The following SPATA6L variants were observed in gnomAD, a reference collection of about 807,000 sequenced individuals.
SPATA6L encodes spermatogenesis associated 6-like protein.
A neutral mutation model predicts 49.2 loss-of-function variants in SPATA6L; 68 were observed. The observed-to-expected ratio is 1.38, with a 90% CI of 1.14 to 1.69. The LOEUF is 1.69. Ranked by LOEUF, SPATA6L falls within the 40% of genes most tolerant of loss-of-function variation. The pLI is 0.00. For synonymous variants in SPATA6L, 198 were observed against 165.7 expected (o/e 1.19, Z -1.50); for missense variants, 668 against 464.3 (o/e 1.44, Z -4.03).
chr9:4,593,501 C>T (rs538925472), downstream of SPATA6L, among the ~76,000 whole-genome samples: 6 of 152,172 alleles, frequency 3.9e-5, no homozygotes, highest in African/African-American at 1.4e-4. Flanking sequence ...AGGATAAAAA[C>T]TGGAACCCTA....
At chr9:4,656,751 C>T (rs1190647405) in intron 2 of SPATA6L, among the ~76,000 whole-genome samples, 8 of 152,098 alleles carry the variant, frequency 5.3e-5, no homozygotes, top group African/African-American at 1.9e-4. Flanking sequence ...TGCTAAAAGC[C>T]CATCTTAAAT....
In SPATA6L at chr9:4,647,414, A is replaced by C. The variant is rs139590574; in HGVS notation, c.226+8627T>G. Among the ~76,000 whole-genome samples the C allele has an allele frequency of 9.0e-3, 1,366 of 152,222 alleles. 19 individuals carry two copies. Among genetic ancestry groups the C allele is most frequent in the African/African-American group, 0.031 (1,280 of 41,538 alleles). On this transcript the variant is annotated intron_variant, in intron 3 of 11. Coordinates refer to ENST00000682582, the MANE Select transcript of SPATA6L (RefSeq NM_001353486.2). ...CGAGACCAGCCTGGCCAACATAGTG[A>C]AACCCCGTGTCTACTAAAAATACAA...
chr9:4,655,596 T>C (rs760285760), intron 3 of SPATA6L, among the ~76,000 whole-genome samples: 5 of 152,058 alleles, frequency 3.3e-5, no homozygotes, highest in Non-Finnish European at 5.9e-5. Context: ...CCACCCAGTC[T>C]GGAGTGCAAT....
rs554218024 is a variant in SPATA6L, at chr9:4,615,250, C to T, written c.995+2673G>A. ...TCACAAAGTGCTGCTTTGTAGAAAG[C>T]TCTTTGCATACTTCTTTTTTATTAT... is the stretch of plus-strand genomic sequence containing the variant. On this transcript the variant is annotated intron_variant, in intron 9 of 11. Transcript: ENST00000682582. 2.0e-5 allele frequency among the ~76,000 whole-genome samples: 3 copies of T among 152,336 alleles called. No homozygotes were observed. In the East Asian group the frequency reaches 5.8e-4, roughly 29 times the overall value.
At chr9:4,639,201 C>G (rs1299089298) in intron 3 of SPATA6L, among the ~76,000 whole-genome samples, 2 of 152,196 alleles carry the variant, frequency 1.3e-5, no homozygotes, top group African/African-American at 2.4e-5. Flanking sequence ...GGCCCCAGAA[C>G]TGCTTTGGTT....
chr9:4,659,369 C>T (rs919784601), intron 2 of SPATA6L, among the ~76,000 whole-genome samples: 3 of 151,888 alleles, frequency 2.0e-5, no homozygotes, highest in African/African-American at 7.3e-5. Context: ...ACAAGCATTC[C>T]TATACACCAA....
At position 4,625,416 on chromosome 9, in the gene SPATA6L, G is replaced by A. The variant is rs1188286535; in HGVS notation, c.580C>T (p.His194Tyr). ...ARAPSQYSTR[H>Y]FFQDQPAQLN... is the part of the protein sequence containing the mutation. ...TGAGCTGGCTGGTCCTGGAAGAAAT[G>A]CCTGGTAGAATATTGAGAGGGCGCC... Residue 194 changes from histidine (H) to tyrosine (Y), a missense_variant, in exon 6 of 12, where the codon CAT (histidine) becomes TAT (tyrosine). By Grantham distance (83) the His-to-Tyr change is moderately conservative. Coordinates refer to ENST00000682582, the MANE Select transcript of SPATA6L (RefSeq NM_001353486.2). 1 of 1,613,978 alleles carries A rather than the reference G, an allele frequency of 6.2e-7. No homozygotes were observed. The highest frequency in any genetic ancestry group is 1.3e-5 in the African/African-American group (1 of 74,890).
intron 9 of SPATA6L, among the ~76,000 whole-genome samples, chr9:4,613,157 G>A (rs1827166331): frequency 6.6e-6 from 1 of 152,082 alleles, no homozygotes; most frequent in South Asian, 2.1e-4. Context: ...GAACCTGGGA[G>A]GTGGAGGTTG....
chr9:4,626,270 A>G (rs1830329374), intron 5 of SPATA6L: 10 of 744,272 alleles, frequency 1.3e-5, no homozygotes, highest in Non-Finnish European at 1.8e-5. Context: ...GACTAGCCCC[A>G]TTGCACTCCT....
intron 1 of SPATA6L, among the ~76,000 whole-genome samples, chr9:4,665,955 A>T (rs901571186): frequency 9.2e-5 from 14 of 152,212 alleles, no homozygotes; most frequent in Non-Finnish European, 2.1e-4. Context: ...AAAAGAAATT[A>T]AAAATTCATG....
chr9:4,592,825 T>C (rs960088342), intron 13 of SPATA6L, among the ~76,000 whole-genome samples: 4 of 152,202 alleles, frequency 2.6e-5, no homozygotes, highest in African/African-American at 9.6e-5. Flanking sequence ...CTTTTGGAGA[T>C]GATGGATAGG....
At position 4,617,963 on chromosome 9, in the gene SPATA6L, T is replaced by A. The variant is rs757502549; in HGVS notation, c.955A>T (p.Thr319Ser). The A allele has an allele frequency of 6.2e-7, 1 of 1,613,744 alleles. No homozygotes were observed. Among genetic ancestry groups the A allele is most frequent in the Non-Finnish European group, 8.5e-7 (1 of 1,179,900 alleles). ...GGCTGATCCAAGGGGCCAGGAGAGG[T>A]GGAATGCTGGTAGGTGGCAAATGAA... is the stretch of plus-strand genomic sequence containing the variant. ...KASFATYQHSTSPGPLDQPLL... is the reference protein window; with the variant it reads ...KASFATYQHSSSPGPLDQPLL... The change falls in exon 9 of 12, where the codon ACC becomes TCC. Residue 319 changes from threonine (T) to serine (S), a missense_variant. By Grantham distance (58) the Thr-to-Ser change is moderately conservative. Coordinates refer to ENST00000682582, the MANE Select transcript of SPATA6L (RefSeq NM_001353486.2).
At chr9:4,613,993 C>T (rs73387228) in intron 9 of SPATA6L, among the ~76,000 whole-genome samples, 2,319 of 152,084 alleles carry the variant, frequency 0.015, 57 homozygotes, top group African/African-American at 0.054. Context: ...TTTCATAGGT[C>T]TAGAGTAACC....
downstream of SPATA6L, among the ~76,000 whole-genome samples, chr9:4,597,610 C>T (rs1299524077): frequency 6.6e-6 from 1 of 152,172 alleles, no homozygotes; most frequent in Non-Finnish European, 1.5e-5. Context: ...AACAAAGTAA[C>T]TTCATTGCCA....
chr9:4,649,549 C>A (rs1258492299), intron 3 of SPATA6L, among the ~76,000 whole-genome samples: 1 of 152,226 alleles, frequency 6.6e-6, no homozygotes, highest in Non-Finnish European at 1.5e-5. Flanking sequence ...GACAAGGTCA[C>A]ACTGGCTAAC....
chr9:4,624,707 G>A (rs527735785), intron 6 of SPATA6L, among the ~76,000 whole-genome samples: 33 of 142,344 alleles, frequency 2.3e-4, no homozygotes, highest in South Asian at 6.6e-4. Flanking sequence ...CAGCCTAGGC[G>A]ACAGCGCAAG....
At chr9:4,626,207 G>A (rs1002628558) in intron 5 of SPATA6L, 5 of 245,620 alleles carry the variant, frequency 2.0e-5, no homozygotes, top group Non-Finnish European at 3.0e-5. Context: ...ACCATTCTTC[G>A]CCTTAACAGC....
In SPATA6L at chr9:4,662,776, T is replaced by A; in HGVS notation, c.40-740A>T. The A allele has an allele frequency of 6.2e-7, 1 of 1,605,234 alleles. No individual in the cohort carries two copies. The highest frequency in any genetic ancestry group is 8.5e-7 in the Non-Finnish European group (1 of 1,179,930). ...TCGTGGGGCAGCGTGCGACCCCTTA[T>A]GAAGCTGCTGGAGATCTCGGGACAC... On this transcript the variant is annotated intron_variant, in intron 1 of 11. Coordinates refer to ENST00000682582, the MANE Select transcript of SPATA6L (RefSeq NM_001353486.2). The surrounding 1 kb of genome is among the most constrained non-coding windows in gnomAD (Gnocchi z 4.9).
At chr9:4,647,841 T>TGC (rs1554735782) in intron 3 of SPATA6L, among the ~76,000 whole-genome samples, 1 of 52,526 alleles carries the variant, frequency 1.9e-5, no homozygotes, top group Non-Finnish European at 4.4e-5. Flanking sequence ...TTTAGTTTTT[T>TGC]TTTTTTTTTT....
Sources: gnomAD v4.1 joint callset for allele counts (sites outside exome capture counted in the v4.1 genomes callset) on GRCh38, gnomAD v4.1.1 for gene constraint, Gnocchi (gnomAD v3.1) non-coding constraint, MANE v1.5 for transcripts, NCBI Gene and HGNC (gene_info 2026-07-23, HGNC 2026-07-21) for gene names.